KLHL6: variants seen among roughly 807,000 people sequenced by gnomAD.
The protein encoded by KLHL6 is kelch like family member 6.
Under a neutral mutation model 58.6 loss-of-function variants are expected in KLHL6, and 41 were observed. The ratio of observed to expected loss-of-function variants is 0.70; its 90% CI spans 0.55 to 0.91. The LOEUF (loss-of-function observed/expected upper bound fraction) is 0.91, where lower values mean the gene tolerates loss of function less well. Among genes scored for constraint, KLHL6 ranks in the 40% least tolerant of loss-of-function variants. The probability of loss-of-function intolerance (pLI) is 0.00; values close to 1 mark genes in which losing one functional copy is unlikely to be tolerated. For missense variants in KLHL6, 714 were observed against 805.6 expected, an observed-to-expected ratio of 0.89 and a Z score of 1.38; for synonymous variants, 338 against 322.7, an observed-to-expected ratio of 1.05 and a Z score of -0.51.
At chr3:183,522,142 A>G (rs997877590) in intron 2 of KLHL6, among the ~76,000 whole-genome samples, 4 of 150,574 alleles carry the variant, frequency 2.7e-5, no homozygotes, top group Admixed American at 2.0e-4. Flanking sequence ...CCTGGCCAAC[A>G]TGGTGAAACC....
intron 2 of KLHL6, among the ~76,000 whole-genome samples, chr3:183,510,874 A>AAAATAAATAAATAAATAAAT (rs55944280): frequency 0.14 from 20,823 of 148,014 alleles, 1,747 homozygotes; most frequent in Non-Finnish European, 0.18. Context: ...ACTCCATCTC[A>AAAATAAATAAATAAATAAAT]AAATAAATAA....
intron 2 of KLHL6, among the ~76,000 whole-genome samples, chr3:183,515,359 G>A (rs528395402): frequency 1.1e-4 from 17 of 152,224 alleles, no homozygotes; most frequent in Admixed American, 5.2e-4. Flanking sequence ...ACCAGCCTGA[G>A]CAACATAGTG....
Position 183,494,958 on chromosome 3 carries a change from C to T in KLHL6, c.1148-677G>A, listed in dbSNP as rs1717675116. On this transcript the variant is annotated intron_variant, in intron 4 of 6. Coordinates refer to ENST00000341319, the MANE Select transcript of KLHL6 (RefSeq NM_130446.4). Reference sequence around the variant, plus strand: ...AAAAAACAGAAAATACAAAATTCAGCAGCTGGGGAAAGAGACAAAGACAAA... The same window carrying T: ...AAAAAACAGAAAATACAAAATTCAGTAGCTGGGGAAAGAGACAAAGACAAA... Among the ~76,000 whole-genome samples, 3 of 152,216 alleles carry T rather than the reference C, an allele frequency of 2.0e-5. 1 individual carries two copies. In the South Asian group the frequency reaches 6.2e-4, roughly 32 times the overall value.
At position 183,492,347 on chromosome 3, in the gene KLHL6, C is replaced by A; in HGVS notation, c.1565-119G>T. The A allele has an allele frequency of 1.5e-6, 2 of 1,302,974 alleles. No homozygotes were observed. The highest frequency in any genetic ancestry group is 1.5e-5 in the African/African-American group (1 of 67,720). 80.7% of individuals were successfully genotyped at this position (1,302,974 alleles called of 1,614,324 possible). A position where few individuals can be genotyped will look rare whatever the true frequency, so the allele number is the denominator to read the frequency against. On this transcript the variant is annotated intron_variant, in intron 6 of 6. Transcript: ENST00000341319. This position sits in a 1 kb window ranked among gnomAD's most constrained non-coding sequence, Gnocchi z 5.9. ...CTACCCTCTTGCCAAGAGAAACAGT[C>A]GATTGATGGCTCTCCTGAAAGCCAG...
chr3:183,504,588 T>C (rs909284139), intron 3 of KLHL6, among the ~76,000 whole-genome samples: 3 of 152,232 alleles, frequency 2.0e-5, no homozygotes, highest in Admixed American at 6.5e-5. Context: ...AAAATCTTTA[T>C]CATCTGCATT....
At chr3:183,543,751 G>A (rs1289222580) in intron 1 of KLHL6, among the ~76,000 whole-genome samples, 1 of 152,122 alleles carries the variant, frequency 6.6e-6, no homozygotes, top group East Asian at 1.9e-4. Context: ...ACTGGACCCT[G>A]GACCTGAATC....
intron 1 of KLHL6, among the ~76,000 whole-genome samples, chr3:183,536,216 G>A (rs1390181552): frequency 6.6e-6 from 1 of 152,182 alleles, no homozygotes; most frequent in African/African-American, 2.4e-5. Flanking sequence ...AAGGGGGGGA[G>A]GAAGCCCAGC....
intron 1 of KLHL6, among the ~76,000 whole-genome samples, chr3:183,531,204 G>T (rs567469007): frequency 2.0e-5 from 3 of 152,064 alleles, no homozygotes; most frequent in Admixed American, 1.3e-4. Flanking sequence ...CCACTGCCTC[G>T]GTTCAAGAAG....
intron 1 of KLHL6, among the ~76,000 whole-genome samples, chr3:183,538,033 G>C (rs1712422141): frequency 6.6e-6 from 1 of 151,976 alleles, no homozygotes; most frequent in African/African-American, 2.4e-5. Context: ...TAGTCCCTTT[G>C]CACTTGCTTT....
At chr3:183,524,421 G>A (rs1290320928) in intron 2 of KLHL6, among the ~76,000 whole-genome samples, 1 of 152,120 alleles carries the variant, frequency 6.6e-6, no homozygotes, top group Non-Finnish European at 1.5e-5. Context: ...CCTCATGATT[G>A]GCCAATGCAT....
chr3:183,511,528 G>C (rs1718185480), intron 2 of KLHL6, among the ~76,000 whole-genome samples: 1 of 152,176 alleles, frequency 6.6e-6, no homozygotes, highest in Non-Finnish European at 1.5e-5. Context: ...GGGATGGTCA[G>C]GTCTTTCCCA....
chr3:183,530,216 C>G (rs1474611218), intron 1 of KLHL6, among the ~76,000 whole-genome samples: 1 of 152,114 alleles, frequency 6.6e-6, no homozygotes, highest in Admixed American at 6.5e-5. Context: ...AGCTTTGGAA[C>G]TGAGTCATGA....
chr3:183,535,256 A>G (rs190053572), intron 1 of KLHL6, among the ~76,000 whole-genome samples: 2 of 152,268 alleles, frequency 1.3e-5, no homozygotes, highest in Admixed American at 1.3e-4. Context: ...TGCGTATTTT[A>G]TACTTAAAGC....
chr3:183,507,026 T>G (rs1161620552), intron 3 of KLHL6, among the ~76,000 whole-genome samples: 1 of 152,028 alleles, frequency 6.6e-6, no homozygotes, highest in African/African-American at 2.4e-5. Context: ...CCACAAGCTG[T>G]GCATTAGGAC....
At chr3:183,524,638 G>A (rs1711889340) in intron 2 of KLHL6, among the ~76,000 whole-genome samples, 1 of 152,192 alleles carries the variant, frequency 6.6e-6, no homozygotes, top group Non-Finnish European at 1.5e-5. Context: ...TGATAGAGCT[G>A]ATTGGCTTGG....
chr3:183,551,011 C>G (rs1404732600), intron 1 of KLHL6, among the ~76,000 whole-genome samples: 1 of 150,916 alleles, frequency 6.6e-6, no homozygotes, highest in Non-Finnish European at 1.5e-5. Flanking sequence ...GTCCCAGCCA[C>G]TAGGGAGGCT....
intron 3 of KLHL6, among the ~76,000 whole-genome samples, chr3:183,503,924 C>A (rs1717935716): frequency 6.6e-6 from 1 of 152,134 alleles, no homozygotes; most frequent in African/African-American, 2.4e-5. Flanking sequence ...GGAGTCAACC[C>A]AAGACCATTC....
chr3:183,501,458 C>T (rs1358408068), intron 3 of KLHL6, among the ~76,000 whole-genome samples: 1 of 152,152 alleles, frequency 6.6e-6, no homozygotes, highest in East Asian at 1.9e-4. Flanking sequence ...AATTCATTCC[C>T]TTATGACCCT....
At chr3:183,534,382 T>C (rs1712290174) in intron 1 of KLHL6, among the ~76,000 whole-genome samples, 1 of 151,994 alleles carries the variant, frequency 6.6e-6, no homozygotes. Context: ...CATTTTACAG[T>C]TTCTAGTCAC....
Sources: gnomAD v4.1 joint callset for allele counts (sites outside exome capture counted in the v4.1 genomes callset) on GRCh38, gnomAD v4.1.1 for gene constraint, Gnocchi (gnomAD v3.1) non-coding constraint, MANE v1.5 for transcripts, NCBI Gene and HGNC (gene_info 2026-07-23, HGNC 2026-07-21) for gene names.